Variants in THAP3 observed in about 807,000 individuals in gnomAD.
THAP3 encodes the protein THAP domain-containing protein 3.
Under a neutral mutation model 17.7 loss-of-function variants are expected in THAP3, and 12 were observed. That is an observed-to-expected ratio of 0.68 (90% confidence interval 0.43 to 1.10). THAP3 has a LOEUF of 1.10. THAP3 is among the 50% of genes least tolerant of loss of function. The pLI, the probability that THAP3 is intolerant of heterozygous loss-of-function variation, is 0.00. For synonymous variants in THAP3, 133 were observed against 126.9 expected (o/e 1.05, Z -0.32); for missense variants, 289 against 318.0 (o/e 0.91, Z 0.69).
At chr1:6,630,462 A>T (rs768914283) in intron 4 of THAP3, 109 bp downstream of exon 4, 118 of 1,078,530 alleles carry the variant, frequency 1.1e-4, no homozygotes, top group Non-Finnish European at 1.6e-4. Flanking sequence ...GCCTTTCCTC[A>T]TATGCCAGTT....
chr1:6,631,091 A>T (rs564539508), intron 4 of THAP3, among the ~76,000 whole-genome samples: 2 of 151,438 alleles, frequency 1.3e-5, no homozygotes, highest in Non-Finnish European at 2.9e-5. Context: ...AGCAGCCTCA[A>T]CCTCCCAGGA....
intron 4 of THAP3, among the ~76,000 whole-genome samples, chr1:6,630,563 G>GCC (rs1461780732): frequency 1.3e-5 from 2 of 152,052 alleles, no homozygotes; most frequent in African/African-American, 4.8e-5. Flanking sequence ...TAGGGATCGT[G>GCC]CCTGATTCCC....
At chr1:6,630,626 G>T (rs902832754) in intron 4 of THAP3, among the ~76,000 whole-genome samples, 4 of 152,130 alleles carry the variant, frequency 2.6e-5, no homozygotes, top group Admixed American at 6.5e-5. Flanking sequence ...CCAGTCTGGA[G>T]TGCAGTGGCA....
intron 2 of THAP3, among the ~76,000 whole-genome samples, chr1:6,625,962 G>C (rs6684534): frequency 0.044 from 6,741 of 152,224 alleles, 226 homozygotes; most frequent in Non-Finnish European, 0.069. Flanking sequence ...AAAAATGCAC[G>C]AATCATAAGT....
downstream of THAP3, among the ~76,000 whole-genome samples, chr1:6,633,777 G>A (rs542945071): frequency 2.6e-5 from 4 of 152,164 alleles, no homozygotes; most frequent in South Asian, 2.1e-4. Flanking sequence ...AGGCGTGGTG[G>A]CACACACCTG....
intron 4 of THAP3, 29 bp downstream of exon 4, chr1:6,630,382 GT>G: frequency 6.2e-7 from 1 of 1,610,624 alleles, no homozygotes. Context: ...GTACTTGAAT[GT>G]TTAAATTATG....
chr1:6,634,742 G>C (rs759868966), downstream of THAP3: 5 of 1,353,428 alleles, frequency 3.7e-6, no homozygotes, highest in Middle Eastern at 2.1e-4. Context: ...TGGTGTTCCT[G>C]TGAGGACGCT....
Position 6,628,489 on chromosome 1 carries a change from C to T in THAP3, c.75-10C>T. On this transcript the variant is annotated splice_polypyrimidine_tract_variant and intron_variant, in intron 2 of 5. Coordinates refer to ENST00000054650, the MANE Select transcript of THAP3 (RefSeq NM_001195753.2). ...TTGCTGGGCCTCACACCCCGTGCCTCTGCCCTTAGGTTTCCGTTCAGCCGC... is the reference window on the plus strand; with the variant it reads ...TTGCTGGGCCTCACACCCCGTGCCTTTGCCCTTAGGTTTCCGTTCAGCCGC... The T allele has an allele frequency of 6.2e-7, 1 of 1,604,470 alleles. No homozygotes were observed. The highest frequency in any genetic ancestry group is 8.5e-7 in the Non-Finnish European group (1 of 1,175,884).
At chr1:6,632,268 G>C (rs1641636794) in intron 4 of THAP3, 123 bp from the exon 5 acceptor site, 1 of 1,335,946 alleles carries the variant, frequency 7.5e-7, no homozygotes, top group African/African-American at 1.5e-5. Context: ...GCTGGCTGTG[G>C]AGGGGCACAG....
At chr1:6,628,408 A>G in intron 2 of THAP3, 91 bp from the exon 3 acceptor site, 1 of 1,023,566 alleles carries the variant, frequency 9.8e-7, no homozygotes, top group South Asian at 1.7e-5. Context: ...CTGTCCAGGG[A>G]AGTACTCTGT....
Position 6,625,132 on chromosome 1 carries a change from C to A in THAP3, c.-69-18C>A, listed in dbSNP as rs951015076. Reference sequence around the variant, plus strand: ...CAGGCCCGTCACCACCTCCCAGCGGCCCCGCCCCTCCCCGCAGGTCCCTCC... The same window carrying A: ...CAGGCCCGTCACCACCTCCCAGCGGACCCGCCCCTCCCCGCAGGTCCCTCC... On this transcript the variant is annotated intron_variant, in intron 1 of 5. Coordinates refer to ENST00000054650, the MANE Select transcript of THAP3 (RefSeq NM_001195753.2). The A allele has an allele frequency of 7.1e-7, 1 of 1,405,036 alleles. No individual in the cohort carries two copies. Among genetic ancestry groups the A allele is most frequent in the Non-Finnish European group, 9.6e-7 (1 of 1,044,648 alleles). 87.0% of individuals were successfully genotyped at this position (1,405,036 alleles called of 1,614,324 possible). A position where few individuals can be genotyped will look rare whatever the true frequency, so the allele number is the denominator to read the frequency against.
chr1:6,634,167 C>A, downstream of THAP3: 1 of 1,348,596 alleles, frequency 7.4e-7, no homozygotes, highest in Non-Finnish European at 1.0e-6. Flanking sequence ...GAGCGCCAGC[C>A]TCTGCTTTCA....
chr1:6,629,380 AAGCGGCCACGTAGCAAACACGCCCAG>A (rs1454490139), intron 3 of THAP3, among the ~76,000 whole-genome samples: 1 of 152,122 alleles, frequency 6.6e-6, no homozygotes, highest in East Asian at 1.9e-4. Flanking sequence ...GGGAAGAACA[AAGCGGCCACGTAGCAAACACGCCCAG>A]AGCGGCCGCC....
At chr1:6,627,323 G>A (rs1254623246) in intron 2 of THAP3, among the ~76,000 whole-genome samples, 1 of 152,178 alleles carries the variant, frequency 6.6e-6, no homozygotes, top group African/African-American at 2.4e-5. Context: ...CCCAGCACAT[G>A]GAGAGCCTAA....
intron 2 of THAP3, among the ~76,000 whole-genome samples, chr1:6,626,608 T>C (rs924849348): frequency 1.3e-5 from 2 of 152,196 alleles, no homozygotes; most frequent in African/African-American, 4.8e-5. Context: ...GAGGCCGAGC[T>C]GGGTGGATCA....
chr1:6,634,181 A>G, downstream of THAP3: 3 of 1,266,482 alleles, frequency 2.4e-6, no homozygotes, highest in East Asian at 2.4e-5. Flanking sequence ...GCTTTCAGGA[A>G]AGGTTTATTG....
Position 6,633,558 on chromosome 1 carries a change from C to G in THAP3, c.*481C>G. On this transcript the variant is annotated 3_prime_UTR_variant, in exon 6 of 6. Transcript: ENST00000054650. ...GTGGGCAGTGTAATAAAGTGTCTTTCTATACGGTGTCGCTCCCATCATCAT... is the reference window on the plus strand; with the variant it reads ...GTGGGCAGTGTAATAAAGTGTCTTTGTATACGGTGTCGCTCCCATCATCAT... 1 of 1,079,398 alleles carries G rather than the reference C, an allele frequency of 9.3e-7. No homozygotes were observed. The highest frequency in any genetic ancestry group is 1.1e-6 in the Non-Finnish European group (1 of 888,068). 66.9% of individuals were successfully genotyped at this position (1,079,398 alleles called of 1,614,324 possible).
At chr1:6,624,975 A>T (rs905963447) in intron 1 of THAP3, 21 bp downstream of exon 1, 5 of 535,772 alleles carry the variant, frequency 9.3e-6, no homozygotes, top group Non-Finnish European at 1.6e-5. Context: ...CACAGGCCCA[A>T]GGCTAGGAGT....
At chr1:6,632,705 G>A in intron 5 of THAP3, 91 bp from the exon 6 acceptor site, 1 of 1,527,222 alleles carries the variant, frequency 6.5e-7, no homozygotes. Flanking sequence ...CTGCCCTGGG[G>A]TTGTGCTGTG....
Sources: allele counts gnomAD v4.1 joint callset (sites outside exome capture counted in the v4.1 genomes callset), GRCh38; gene constraint gnomAD v4.1.1; transcripts MANE v1.5; gene names NCBI Gene and HGNC (gene_info 2026-07-23, HGNC 2026-07-21).